CNTNAP2: variants seen among roughly 807,000 people sequenced by gnomAD.
CNTNAP2 encodes the protein contactin-associated protein-like 2.
Under a neutral mutation model 155.2 loss-of-function variants are expected in CNTNAP2, and 98 were observed. The observed-to-expected ratio is 0.63, with a 90% CI of 0.54 to 0.75. CNTNAP2 has a LOEUF of 0.75. Among genes scored for constraint, CNTNAP2 ranks in the 30% least tolerant of loss-of-function variants. The pLI, the probability that CNTNAP2 is intolerant of heterozygous loss-of-function variation, is 0.00. For synonymous variants in CNTNAP2, 651 were observed against 631.2 expected (o/e 1.03, Z -0.47); for missense variants, 1,727 against 1,688.1 (o/e 1.02, Z -0.40).
intron 21 of CNTNAP2, among the ~76,000 whole-genome samples, chr7:148,346,789 AAAAAAAAAAT>A (rs1218891127): frequency 3.8e-5 from 2 of 52,132 alleles, no homozygotes; most frequent in Admixed American, 2.1e-4. Flanking sequence ...AAAAAAAAAA[AAAAAAAAAAT>A]TAATGGTTAA....
chr7:147,317,798 G>GTGTATA (rs1316733829), intron 9 of CNTNAP2, among the ~76,000 whole-genome samples: 1 of 85,304 alleles, frequency 1.2e-5, no homozygotes, highest in African/African-American at 5.5e-5. Context: ...GTGTGTGTGT[G>GTGTATA]TATATGTATA....
intron 1 of CNTNAP2, among the ~76,000 whole-genome samples, chr7:146,525,572 CTA>C (rs1797678470): frequency 5.1e-5 from 7 of 136,308 alleles, no homozygotes; most frequent in Non-Finnish European, 7.4e-5. Flanking sequence ...ATCTATCTAT[CTA>C]TCTCTCTATC....
intron 15 of CNTNAP2, among the ~76,000 whole-genome samples, chr7:148,066,901 T>C (rs1177068321): frequency 6.6e-6 from 1 of 152,200 alleles, no homozygotes. Flanking sequence ...ACTGAAACTT[T>C]CCAGCGTATT....
At chr7:146,204,769 A>G (rs913232643) in intron 1 of CNTNAP2, among the ~76,000 whole-genome samples, 39 of 152,204 alleles carry the variant, frequency 2.6e-4, no homozygotes, top group African/African-American at 9.4e-4. Flanking sequence ...TTTACAACTG[A>G]TTATTGTATA....
intron 4 of CNTNAP2, among the ~76,000 whole-genome samples, chr7:147,068,987 C>A (rs1183395293): frequency 2.0e-5 from 3 of 152,130 alleles, no homozygotes; most frequent in African/African-American, 7.2e-5. Context: ...ACCTCAGAAA[C>A]TTTTACTCGT....
intron 1 of CNTNAP2, among the ~76,000 whole-genome samples, chr7:146,304,946 T>C (rs1800682400): frequency 1.3e-5 from 2 of 152,270 alleles, no homozygotes; most frequent in African/African-American, 4.8e-5. Context: ...ACTTCCATAT[T>C]TCTTGGAGGC....
chr7:146,872,363 A>C (rs1451429026), intron 3 of CNTNAP2, among the ~76,000 whole-genome samples: 2 of 152,188 alleles, frequency 1.3e-5, no homozygotes, highest in Admixed American at 1.3e-4. Context: ...TCTGTGACAA[A>C]ACCCAGGCTT....
rs552214311 is a variant in CNTNAP2 at position 148,411,646 on chromosome 7, TC to T, written c.3796+2176del. On this transcript the variant is annotated intron_variant, in intron 23 of 23. Transcript: ENST00000361727. ...CAAAGGTTTTGAAGATTTTCAGCTT[TC>T]TTCTAGAAGTTGTATCACTTTATCA... Among the ~76,000 whole-genome samples, 268 of 152,308 alleles carry T rather than the reference TC, an allele frequency of 1.8e-3. 1 individual carries two copies. The highest frequency in any genetic ancestry group is 6.0e-3 in the African/African-American group (251 of 41,576).
intron 13 of CNTNAP2, among the ~76,000 whole-genome samples, chr7:147,804,867 TAA>T (rs1383870988): frequency 3.9e-5 from 6 of 152,026 alleles, no homozygotes; most frequent in African/African-American, 1.4e-4. Context: ...CTTCAGTTTT[TAA>T]CCTCACCACC....
chr7:147,179,809 T>A (rs773594670), intron 8 of CNTNAP2, among the ~76,000 whole-genome samples: 14 of 152,084 alleles, frequency 9.2e-5, no homozygotes, highest in South Asian at 2.1e-4. Context: ...ACAAAAACTT[T>A]AAAGGGTTAC....
chr7:146,272,050 A>G (rs1268792516), intron 1 of CNTNAP2, among the ~76,000 whole-genome samples: 1 of 152,154 alleles, frequency 6.6e-6, no homozygotes, highest in Non-Finnish European at 1.5e-5. Flanking sequence ...GTATTAGTCC[A>G]TTTTTACACT....
At chr7:147,861,408 TA>T (rs1799130624) in intron 13 of CNTNAP2, among the ~76,000 whole-genome samples, 1 of 152,132 alleles carries the variant, frequency 6.6e-6, no homozygotes, top group Non-Finnish European at 1.5e-5. Flanking sequence ...TATGCATAAA[TA>T]AATGCAAAAT....
intron 17 of CNTNAP2, among the ~76,000 whole-genome samples, chr7:148,157,278 G>A (rs367824714): frequency 1.3e-5 from 2 of 152,110 alleles, no homozygotes; most frequent in African/African-American, 2.4e-5. Context: ...CCCCTAGAAC[G>A]TAAGCTACAT....
At chr7:146,429,148 T>G (rs540113450) in intron 1 of CNTNAP2, among the ~76,000 whole-genome samples, 21 of 152,300 alleles carry the variant, frequency 1.4e-4, no homozygotes, top group African/African-American at 5.1e-4. Flanking sequence ...TAGTATAGTT[T>G]GAAGCCAGGT....
intron 13 of CNTNAP2, among the ~76,000 whole-genome samples, chr7:147,744,774 C>G (rs1046739008): frequency 6.6e-6 from 1 of 152,126 alleles, no homozygotes; most frequent in Admixed American, 6.5e-5. Flanking sequence ...AGACAGAGCT[C>G]TCTTTCTCTT....
intron 14 of CNTNAP2, among the ~76,000 whole-genome samples, chr7:147,906,423 C>T (rs1799958791): frequency 6.6e-6 from 1 of 151,970 alleles, no homozygotes; most frequent in Non-Finnish European, 1.5e-5. Context: ...CACCCTCAGC[C>T]TCCCACAGTG....
chr7:147,753,225 G>A (rs887489962), intron 13 of CNTNAP2, among the ~76,000 whole-genome samples: 1 of 152,164 alleles, frequency 6.6e-6, no homozygotes, highest in African/African-American at 2.4e-5. Flanking sequence ...TAAGACAAGG[G>A]CAGGCTCCTT....
At chr7:148,060,992 G>T (rs1803117459) in intron 15 of CNTNAP2, among the ~76,000 whole-genome samples, 1 of 152,184 alleles carries the variant, frequency 6.6e-6, no homozygotes, top group Admixed American at 6.5e-5. Context: ...AAGAGAAACA[G>T]AAATTGAGAG....
intron 8 of CNTNAP2, among the ~76,000 whole-genome samples, chr7:147,162,723 A>G (rs1802049802): frequency 6.6e-6 from 1 of 152,178 alleles, no homozygotes; most frequent in Admixed American, 6.6e-5. Context: ...AAGCATAAGC[A>G]TCGGTAATTT....
Sources: allele counts gnomAD v4.1 joint callset (sites outside exome capture counted in the v4.1 genomes callset), GRCh38; gene constraint gnomAD v4.1.1; transcripts MANE v1.5; gene names NCBI Gene and HGNC (gene_info 2026-07-23, HGNC 2026-07-21).